Variants in CRTAC1 observed in about 807,000 individuals in gnomAD.
CRTAC1 encodes acidic secreted protein in cartilage.
A neutral mutation model predicts 67.8 loss-of-function variants in CRTAC1; 37 were observed. The ratio of observed to expected loss-of-function variants is 0.55; its 90% confidence interval spans 0.42 to 0.72. The LOEUF (loss-of-function observed/expected upper bound fraction) is 0.72, where lower values mean the gene tolerates loss of function less well. Among genes scored for constraint, CRTAC1 ranks in the 30% least tolerant of loss-of-function variants. The pLI is 0.00. For synonymous variants in CRTAC1, 348 were observed against 371.0 expected (o/e 0.94, Z 0.71); for missense variants, 780 against 931.6 (o/e 0.84, Z 2.12).
chr10:97,865,812 GCT>G, intron 14 of CRTAC1, 98 bp from the exon 15 acceptor site: 1 of 1,367,692 alleles, frequency 7.3e-7, no homozygotes, highest in Non-Finnish European at 9.6e-7. Flanking sequence ...GGCTCACCCT[GCT>G]GCCCGGGGTG....
At chr10:97,909,333 G>GA (rs980269605) in intron 5 of CRTAC1, among the ~76,000 whole-genome samples, 6 of 152,274 alleles carry the variant, frequency 3.9e-5, no homozygotes, top group African/African-American at 1.4e-4. Flanking sequence ...ATACTGTGCA[G>GA]AAAATGGCCC....
rs1036129084 is a variant in CRTAC1, at chr10:97,975,811, G to A, written c.224+35327C>T. 3.3e-5 allele frequency among the ~76,000 whole-genome samples: 5 copies of A among 152,216 alleles called. No homozygotes were observed. The highest frequency in any genetic ancestry group is 1.2e-4 in the African/African-American group (5 of 41,458). On this transcript the variant is annotated intron_variant, in intron 2 of 14. Coordinates refer to ENST00000370597, the MANE Select transcript of CRTAC1 (RefSeq NM_018058.7). This position sits in a 1 kb window ranked among gnomAD's most constrained non-coding sequence, Gnocchi z 4.8. Reference sequence around the variant, plus strand: ...AAGAGCCTCTCCACCTGCCAGGGAAGCTACGCACACTCGGTGAGCGTGCTC... The same window carrying A: ...AAGAGCCTCTCCACCTGCCAGGGAAACTACGCACACTCGGTGAGCGTGCTC...
chr10:97,868,957 G>A lies in CRTAC1; in HGVS notation c.1820-3243C>T, dbSNP rs564121302. 3.3e-5 allele frequency: 5 copies of A among 152,312 alleles called. No individual in the cohort carries two copies. In the East Asian group the frequency reaches 7.7e-4, roughly 23 times the overall value. 9.4% of individuals were successfully genotyped at this position (152,312 alleles called of 1,614,324 possible). A position where few individuals can be genotyped will look rare whatever the true frequency, so the allele number is the denominator to read the frequency against. ...TTCAATTCTCACAGCAACCCTCTAT[G>A]GCATGGATTCTTATTTCCCATTTTA... On this transcript the variant is annotated intron_variant, in intron 14 of 14. Transcript: ENST00000370597.
chr10:98,003,324 G>A (rs1842728358), intron 2 of CRTAC1, among the ~76,000 whole-genome samples: 1 of 152,144 alleles, frequency 6.6e-6, no homozygotes, highest in South Asian at 2.1e-4. Context: ...AATACACACT[G>A]ATTATCTTAC....
intron 2 of CRTAC1, among the ~76,000 whole-genome samples, chr10:97,967,971 CA>C (rs1192916659): frequency 2.0e-5 from 3 of 152,074 alleles, no homozygotes. Flanking sequence ...GAGATCTGGG[CA>C]AGGAGAAAGA....
chr10:97,981,262 G>A (rs893583814), intron 2 of CRTAC1, among the ~76,000 whole-genome samples: 3 of 152,148 alleles, frequency 2.0e-5, no homozygotes, highest in Non-Finnish European at 4.4e-5. Context: ...ACAGAAAGAC[G>A]TAAGGAAGAA....
intron 11 of CRTAC1, among the ~76,000 whole-genome samples, chr10:97,889,561 T>C (rs1243387205): frequency 1.3e-5 from 2 of 151,934 alleles, no homozygotes; most frequent in Non-Finnish European, 2.9e-5. Flanking sequence ...GAACCCCGCA[T>C]GCACTCATTA....
chr10:97,956,302 C>A (rs2051439906), intron 2 of CRTAC1, among the ~76,000 whole-genome samples: 1 of 152,180 alleles, frequency 6.6e-6, no homozygotes, highest in African/African-American at 2.4e-5. Context: ...CCCAAATGAA[C>A]CTGTTATCCC....
chr10:98,003,258 G>A (rs976471866), intron 2 of CRTAC1, among the ~76,000 whole-genome samples: 1 of 152,154 alleles, frequency 6.6e-6, no homozygotes, highest in Admixed American at 6.5e-5. Flanking sequence ...TTTATCTCGT[G>A]TTTTAGTTTT....
At chr10:97,926,122 G>A (rs2050913817) in intron 3 of CRTAC1, among the ~76,000 whole-genome samples, 1 of 152,168 alleles carries the variant, frequency 6.6e-6, no homozygotes, top group East Asian at 1.9e-4. Context: ...AGACCCAGGA[G>A]GCCTGCAGGG....
At chr10:97,874,758 A>T (rs750395405) in intron 14 of CRTAC1, among the ~76,000 whole-genome samples, 1 of 152,100 alleles carries the variant, frequency 6.6e-6, no homozygotes, top group Non-Finnish European at 1.5e-5. Flanking sequence ...AGGTTCAAAG[A>T]CACCTTACCT....
chr10:97,898,713 G>A (rs145150668), intron 8 of CRTAC1, among the ~76,000 whole-genome samples: 369 of 152,242 alleles, frequency 2.4e-3, no homozygotes, highest in African/African-American at 8.4e-3. Context: ...CTAGAGACAA[G>A]GAGAGCAGCT....
intron 5 of CRTAC1, among the ~76,000 whole-genome samples, chr10:97,914,634 C>T (rs1590204874): frequency 6.6e-6 from 1 of 152,194 alleles, no homozygotes; most frequent in East Asian, 1.9e-4. Flanking sequence ...CCCAAGGTCA[C>T]TGGGGCCTGG....
At chr10:97,952,076 G>T (rs1452960548) in intron 2 of CRTAC1, among the ~76,000 whole-genome samples, 1 of 152,136 alleles carries the variant, frequency 6.6e-6, no homozygotes. Flanking sequence ...TTCCACCCTG[G>T]GCTTGGTGGC....
chr10:97,980,414 C>T (rs1229261991), intron 2 of CRTAC1, among the ~76,000 whole-genome samples: 1 of 152,154 alleles, frequency 6.6e-6, no homozygotes, highest in Non-Finnish European at 1.5e-5. Flanking sequence ...CCTCCAAAAC[C>T]TCTAATACTA....
intron 2 of CRTAC1, among the ~76,000 whole-genome samples, chr10:97,962,067 G>T (rs144980578): frequency 6.6e-6 from 1 of 152,148 alleles, no homozygotes; most frequent in Non-Finnish European, 1.5e-5. Context: ...GTGCTCAGGA[G>T]CCCAGCAAAT....
chr10:97,912,428 T>C (rs1047857949), intron 5 of CRTAC1, among the ~76,000 whole-genome samples: 5 of 152,166 alleles, frequency 3.3e-5, no homozygotes, highest in African/African-American at 1.2e-4. Flanking sequence ...AGCCACATTC[T>C]GGCACTCTGA....
At chr10:97,967,047 C>A (rs1454589839) in intron 2 of CRTAC1, among the ~76,000 whole-genome samples, 1 of 149,564 alleles carries the variant, frequency 6.7e-6, no homozygotes, top group Non-Finnish European at 1.5e-5. Flanking sequence ...TATGCGGCAC[C>A]TACGCAGGAG....
rs560931387 is a variant in CRTAC1, at chr10:98,014,080, T to A, written c.25-2743A>T. ...TCTTGATGGCGTATTTTTTGGGCAA[T>A]GGTTACGGTGAGGAAGCTTAGAAGA... On this transcript the variant is annotated intron_variant, in intron 1 of 14. Transcript: ENST00000370597. Among the ~76,000 whole-genome samples, 9 of 152,330 alleles carry A rather than the reference T, an allele frequency of 5.9e-5. No homozygotes were observed. In the South Asian group the frequency reaches 1.9e-3, roughly 32 times the overall value.
Sources: allele counts gnomAD v4.1 joint callset (sites outside exome capture counted in the v4.1 genomes callset), GRCh38; gene constraint gnomAD v4.1.1; non-coding constraint Gnocchi (gnomAD v3.1); transcripts MANE v1.5; gene names NCBI Gene and HGNC (gene_info 2026-07-23, HGNC 2026-07-21).